Variants in TANGO6 observed in about 807,000 individuals in gnomAD.
The protein encoded by TANGO6 is transport and golgi organization 6 homolog.
In TANGO6, 90 loss-of-function variants were observed where a neutral mutation model predicts 114.2. The ratio of observed to expected loss-of-function variants is 0.79; its 90% CI spans 0.66 to 0.94. The LOEUF is 0.94. Among genes scored for constraint, TANGO6 ranks in the 40% least tolerant of loss-of-function variants. The probability of loss-of-function intolerance (pLI) is 0.00; values close to 1 mark genes in which losing one functional copy is unlikely to be tolerated. For missense variants in TANGO6, 1,274 were observed against 1,315.3 expected (o/e 0.97, Z 0.49); for synonymous variants, 477 against 509.8 (o/e 0.94, Z 0.87).
chr16:69,082,257 C>A (rs1171112705), intron 17 of TANGO6, among the ~76,000 whole-genome samples: 2 of 151,606 alleles, frequency 1.3e-5, no homozygotes, highest in East Asian at 3.9e-4. Context: ...AGTGCTGGGA[C>A]TACAAATGGC....
At chr16:68,909,097 A>T in intron 10 of TANGO6, 114 bp from the exon 11 acceptor site, 1 of 954,084 alleles carries the variant, frequency 1.0e-6, no homozygotes. Flanking sequence ...TGTTGCAACA[A>T]ACACAGACTA....
At chr16:68,847,532 G>A (rs1180692908) in intron 1 of TANGO6, among the ~76,000 whole-genome samples, 4 of 152,184 alleles carry the variant, frequency 2.6e-5, no homozygotes, top group Non-Finnish European at 4.4e-5. Context: ...TGTGTTCCAT[G>A]TTTGGGTTCG....
At chr16:68,948,980 A>G (rs1963444010) in intron 14 of TANGO6, among the ~76,000 whole-genome samples, 1 of 152,108 alleles carries the variant, frequency 6.6e-6, no homozygotes, top group Admixed American at 6.5e-5. Context: ...TGAGGTCGGG[A>G]GTTCGAGACC....
intron 17 of TANGO6, among the ~76,000 whole-genome samples, chr16:69,080,623 C>T (rs1960449616): frequency 6.6e-6 from 1 of 152,176 alleles, no homozygotes; most frequent in East Asian, 1.9e-4. Flanking sequence ...AAAATGTCTT[C>T]ATATGAATGA....
chr16:69,042,477 G>A (rs902130896), intron 17 of TANGO6, among the ~76,000 whole-genome samples: 2 of 152,154 alleles, frequency 1.3e-5, no homozygotes, highest in African/African-American at 4.8e-5. Context: ...AACCTGGGAG[G>A]CAGAAGTTGT....
chr16:68,958,489 CAAA>C (rs71383945), intron 14 of TANGO6, among the ~76,000 whole-genome samples: 2 of 42,418 alleles, frequency 4.7e-5, no homozygotes, highest in Admixed American at 2.7e-4. Context: ...AACTCTGTCT[CAAA>C]AAAAAAAAAA....
intron 1 of TANGO6, among the ~76,000 whole-genome samples, chr16:68,855,557 G>A (rs1398592743): frequency 2.0e-5 from 3 of 150,976 alleles, no homozygotes; most frequent in African/African-American, 7.3e-5. Flanking sequence ...ACTTCAGCCT[G>A]GGAGACAAAA....
intron 17 of TANGO6, among the ~76,000 whole-genome samples, chr16:69,061,182 G>C (rs72789215): frequency 0.088 from 13,321 of 152,094 alleles, 652 homozygotes; most frequent in South Asian, 0.18. Context: ...TTATGGACCT[G>C]CTATCACCAA....
intron 15 of TANGO6, 90 bp from the exon 16 acceptor site, chr16:69,022,738 A>T: frequency 7.3e-7 from 1 of 1,365,946 alleles, no homozygotes; most frequent in Non-Finnish European, 1.0e-6. Flanking sequence ...ATAAGACATC[A>T]TGCAGTGAAC....
In TANGO6 at chr16:68,902,488, A is replaced by G. The variant is rs371632206; in HGVS notation, c.1651A>G (p.Ile551Val). 6.2e-7 allele frequency: 1 copy of G among 1,611,858 alleles called. No individual in the cohort carries two copies. Among genetic ancestry groups the G allele is most frequent in the Admixed American group, 1.7e-5 (1 of 59,572 alleles). The change falls in exon 9 of 18, where the codon ATC (isoleucine) becomes GTC (valine). Residue 551 changes from isoleucine to valine, a missense_variant. Around this residue, in one of 5 missense-constraint regions of TANGO6, gnomAD observed 908 missense variants for 910.2 expected, o/e 1.00. Transcript: ENST00000261778. ...VATQGGIMIT[I>V]KEAISDEDED... is the part of the protein sequence containing the mutation. ...CACTCAAGGTGGCATTATGATTACCATCAAAGAGGCCATTAGGTGAGTCCA... is the reference window on the plus strand; with the variant it reads ...CACTCAAGGTGGCATTATGATTACCGTCAAAGAGGCCATTAGGTGAGTCCA...
chr16:68,895,530 G>A (rs1962692585), intron 7 of TANGO6, among the ~76,000 whole-genome samples: 1 of 152,198 alleles, frequency 6.6e-6, no homozygotes, highest in Non-Finnish European at 1.5e-5. Context: ...CAGGGGTTGG[G>A]AGATAACTAT....
rs1027069413 is a variant in TANGO6, at chr16:68,937,786, T to G, written c.2701+7491T>G. ...ATGTTTTATTTATCCAGCTCATTAA[T>G]TGGTGGACAACTGGTTTGTTTCCAC... On this transcript the variant is annotated intron_variant, in intron 14 of 17. Transcript: ENST00000261778. 2.0e-5 allele frequency: 3 copies of G among 152,252 alleles called. No individual in the cohort carries two copies. The South Asian group carries it at 6.2e-4, about 32-fold the overall frequency. The allele number at this position is 152,252 out of a possible 1,614,324, so 9.4% of individuals were successfully genotyped here. A position where few individuals can be genotyped will look rare whatever the true frequency, so the allele number is the denominator to read the frequency against.
At chr16:69,030,595 A>G (rs1959578268) in intron 16 of TANGO6, among the ~76,000 whole-genome samples, 1 of 152,014 alleles carries the variant, frequency 6.6e-6, no homozygotes, top group East Asian at 2.0e-4. Flanking sequence ...ATGAAAGGCC[A>G]TGTTACTTTA....
At chr16:69,016,011 C>T (rs944282490) in intron 15 of TANGO6, among the ~76,000 whole-genome samples, 3 of 152,166 alleles carry the variant, frequency 2.0e-5, no homozygotes, top group Admixed American at 1.3e-4. Context: ...GAGGTCTTCT[C>T]CTCTGAGAGC....
At chr16:68,961,305 G>T (rs572520746) in intron 14 of TANGO6, among the ~76,000 whole-genome samples, 13 of 152,178 alleles carry the variant, frequency 8.5e-5, no homozygotes, top group Admixed American at 5.9e-4. Flanking sequence ...TGCCAGGTGC[G>T]CTGTCATGTA....
At chr16:69,075,764 T>A (rs1960365054) in intron 17 of TANGO6, among the ~76,000 whole-genome samples, 1 of 138,824 alleles carries the variant, frequency 7.2e-6, no homozygotes. Flanking sequence ...GAATTCAACT[T>A]TTTTTTTTTT....
At position 68,860,025 on chromosome 16, in the gene TANGO6, A is replaced by G. The variant is rs1483003635; in HGVS notation, c.236A>G (p.Asp79Gly). ...NLKLLRDEIADKAEWPQNSVD... is the reference protein window; with the variant it reads ...NLKLLRDEIAGKAEWPQNSVD... ...AAACTCCTAAGAGATGAAATTGCTG[A>G]TAAGGCAGAATGGCCACAAAACTCT... Residue 79 changes from aspartate to glycine, a missense_variant, in exon 2 of 18, where the codon GAT becomes GGT. By Grantham distance (94) the Asp-to-Gly change is moderately conservative (BLOSUM62 -1). Around this residue, in one of 5 missense-constraint regions of TANGO6, gnomAD observed 114 missense variants for 104.6 expected, o/e 1.09. Transcript: ENST00000261778. 1.2e-6 allele frequency: 2 copies of G among 1,614,000 alleles called. No individual in the cohort carries two copies. Among genetic ancestry groups the G allele is most frequent in the South Asian group, 1.1e-5 (1 of 91,086 alleles).
At chr16:68,926,088 G>T (rs558513296) in intron 12 of TANGO6, among the ~76,000 whole-genome samples, 5 of 151,288 alleles carry the variant, frequency 3.3e-5, no homozygotes, top group South Asian at 4.2e-4. Flanking sequence ...TAAAAAAGAG[G>T]CCAAATAGAC....
At chr16:68,938,603 A>C (rs968968748) in intron 14 of TANGO6, among the ~76,000 whole-genome samples, 3 of 152,046 alleles carry the variant, frequency 2.0e-5, no homozygotes, top group African/African-American at 7.2e-5. Context: ...CTTTTGATTA[A>C]GATCTTTTTT....
Sources: gnomAD v4.1 joint callset for allele counts (sites outside exome capture counted in the v4.1 genomes callset) on GRCh38, gnomAD v4.1.1 for gene constraint, gnomAD v4.1.1 regional missense constraint, MANE v1.5 for transcripts, NCBI Gene and HGNC (gene_info 2026-07-23, HGNC 2026-07-21) for gene names.